Variants in CCSER2 observed in about 807,000 individuals in gnomAD.
CCSER2 encodes serine-rich coiled-coil domain-containing protein 2.
CCSER2 carries 46 observed loss-of-function variants against 92.3 expected under a neutral mutation model. The observed-to-expected ratio is 0.50, with a 90% CI of 0.39 to 0.64. The LOEUF is 0.64. CCSER2 is among the 30% of genes least tolerant of loss of function. CCSER2 has a pLI of 0.00. For missense variants in CCSER2, 1,244 were observed against 1,238.9 expected (o/e 1.00, Z -0.06); for synonymous variants, 433 against 431.4 (o/e 1.00, Z -0.04).
chr10:84,422,885 C>T (rs1843220984), intron 4 of CCSER2, among the ~76,000 whole-genome samples: 2 of 152,092 alleles, frequency 1.3e-5, no homozygotes, highest in Non-Finnish European at 2.9e-5. Flanking sequence ...GAAACCCCTT[C>T]TCTACTAAAA....
intron 7 of CCSER2, among the ~76,000 whole-genome samples, chr10:84,466,591 A>G (rs1000969187): frequency 4.8e-5 from 7 of 144,760 alleles, no homozygotes; most frequent in Middle Eastern, 3.4e-3. Context: ...TGCAAGCTCC[A>G]CTTCCTGGGT....
chr10:84,348,454 G>A (rs1844668309), intron 1 of CCSER2, among the ~76,000 whole-genome samples: 1 of 143,928 alleles, frequency 6.9e-6, no homozygotes, highest in Non-Finnish European at 1.6e-5. Context: ...AAGAGAGGGA[G>A]AGGGAGACCA....
intron 6 of CCSER2, among the ~76,000 whole-genome samples, chr10:84,452,057 A>G (rs1845326857): frequency 1.3e-5 from 2 of 152,364 alleles, no homozygotes; most frequent in South Asian, 4.1e-4. Context: ...ACTTACAAAA[A>G]GAAAAGAAAG....
intron 5 of CCSER2, among the ~76,000 whole-genome samples, chr10:84,428,036 A>T (rs965862566): frequency 6.6e-6 from 1 of 152,188 alleles, no homozygotes; most frequent in East Asian, 1.9e-4. Flanking sequence ...GGAGCTTACA[A>T]AAGGCTTGGC....
chr10:84,371,677 A>G lies in CCSER2; in HGVS notation c.625A>G (p.Ser209Gly), dbSNP rs1846068968. The G allele has an allele frequency of 1.2e-6, 2 of 1,613,858 alleles. No homozygotes were observed. Among genetic ancestry groups the G allele is most frequent in the Non-Finnish European group, 1.7e-6 (2 of 1,179,894 alleles). Reference protein sequence around the residue: ...SGESLAQSPDSSKSINCEKMV... With the variant: ...SGESLAQSPDGSKSINCEKMV... ...AGAAAGCTTAGCTCAATCCCCAGAC[A>G]GTAGTAAATCTATTAATTGTGAAAA... is the stretch of plus-strand genomic sequence containing the variant. The change falls in exon 2 of 10, where the codon AGT (serine) becomes GGT (glycine). Residue 209 changes from serine (S) to glycine (G), a missense_variant. By Grantham distance (56) the Ser-to-Gly change is moderately conservative. Transcript: ENST00000372088.
intron 7 of CCSER2, among the ~76,000 whole-genome samples, chr10:84,466,912 T>C (rs1846479923): frequency 6.6e-6 from 1 of 152,298 alleles, no homozygotes; most frequent in South Asian, 2.1e-4. Flanking sequence ...GATCAGCTCT[T>C]CTGTGTTCTT....
At chr10:84,508,426 AT>A (rs1762238131) in intron 9 of CCSER2, among the ~76,000 whole-genome samples, 6 of 152,220 alleles carry the variant, frequency 3.9e-5, no homozygotes, top group Admixed American at 3.9e-4. Context: ...CATTTTGTAA[AT>A]TATGAAATTC....
At chr10:84,395,024 G>A (rs1028158883) in intron 3 of CCSER2, among the ~76,000 whole-genome samples, 1 of 151,960 alleles carries the variant, frequency 6.6e-6, no homozygotes, top group Non-Finnish European at 1.5e-5. Context: ...AGGAATTTGA[G>A]ACCAGACTGA....
chr10:84,438,776 T>TA (rs1844344713), intron 6 of CCSER2, 69 bp downstream of exon 6: 4 of 955,654 alleles, frequency 4.2e-6, no homozygotes, highest in Admixed American at 2.5e-5. Context: ...TTAGTTTTTT[T>TA]TAAAAAAATA....
chr10:84,410,810 A>G (rs78422053), intron 3 of CCSER2, among the ~76,000 whole-genome samples: 1 of 152,294 alleles, frequency 6.6e-6, no homozygotes, highest in African/African-American at 2.4e-5. Flanking sequence ...TGCTTTTGGC[A>G]TTCTCATCAT....
intron 9 of CCSER2, among the ~76,000 whole-genome samples, chr10:84,507,712 G>A (rs906873835): frequency 1.2e-4 from 19 of 152,138 alleles, no homozygotes; most frequent in East Asian, 5.8e-4. Flanking sequence ...GTGCTTTTCC[G>A]TATGCTAATG....
At chr10:84,394,228 T>C (rs992289339) in intron 3 of CCSER2, among the ~76,000 whole-genome samples, 2 of 152,224 alleles carry the variant, frequency 1.3e-5, no homozygotes, top group African/African-American at 4.8e-5. Context: ...CCAGGCATAC[T>C]CTTAATTTCT....
At chr10:84,342,743 C>T (rs1460996396) in intron 1 of CCSER2, among the ~76,000 whole-genome samples, 1 of 152,026 alleles carries the variant, frequency 6.6e-6, no homozygotes, top group East Asian at 1.9e-4. Flanking sequence ...TTTACTTTTG[C>T]TTCCTCTGTT....
Position 84,514,180 on chromosome 10 carries a change from C to G in CCSER2, c.3057C>G (p.Ile1019Met). ...GGCCACTAACACAACGAAAAGAAATCATGCAGAATCCAAATGGCAATTTGC... is the reference window on the plus strand; with the variant it reads ...GGCCACTAACACAACGAAAAGAAATGATGCAGAATCCAAATGGCAATTTGC... ...IPRPLTQRKEIMQNPNGNLHS... is the reference protein window; with the variant it reads ...IPRPLTQRKEMMQNPNGNLHS... Residue 1019 changes from isoleucine to methionine, a missense_variant, in exon 10 of 10, where the codon ATC becomes ATG. Coordinates refer to ENST00000372088, the MANE Select transcript of CCSER2 (RefSeq NM_001284240.2). 6.5e-7 allele frequency: 1 copy of G among 1,536,408 alleles called. No homozygotes were observed. Among genetic ancestry groups the G allele is most frequent in the Non-Finnish European group, 8.7e-7 (1 of 1,146,960 alleles).
At chr10:84,391,323 G>T in intron 3 of CCSER2, 3 of 1,444,408 alleles carry the variant, frequency 2.1e-6, no homozygotes, top group Non-Finnish European at 2.9e-6. Context: ...TTACTGAGTG[G>T]CCTGGCTGAA....
rs1455407330 is a variant in CCSER2, at chr10:84,514,081, C to T, written c.2958C>T (p.Gly986=). The change falls in exon 10 of 10, where the codon GGC becomes GGT. Residue 986 remains glycine (G), a synonymous_variant. Transcript: ENST00000372088. ...CATCTAAGCTCCGCCCCCCCTCAGGCTCTTTCAAACAAAAACAAACAAACA... is the reference window on the plus strand; with the variant it reads ...CATCTAAGCTCCGCCCCCCCTCAGGTTCTTTCAAACAAAAACAAACAAACA... ...LKASKLRPPS[G]SFKQKQTNSP... 7 of 1,536,204 alleles carry T rather than the reference C, an allele frequency of 4.6e-6. No individual in the cohort carries two copies. Among genetic ancestry groups the T allele is most frequent in the Middle Eastern group, 3.3e-4 (2 of 5,992 alleles).
At chr10:84,393,568 G>A (rs1244514314) in intron 3 of CCSER2, among the ~76,000 whole-genome samples, 1 of 152,160 alleles carries the variant, frequency 6.6e-6, no homozygotes, top group African/African-American at 2.4e-5. Flanking sequence ...GTGGCCCTCT[G>A]TGCCGTAGAT....
intron 1 of CCSER2, among the ~76,000 whole-genome samples, chr10:84,353,656 C>T (rs923371921): frequency 1.3e-5 from 2 of 152,160 alleles, no homozygotes; most frequent in African/African-American, 4.8e-5. Flanking sequence ...ATGGCTACCA[C>T]AGGCACAATG....
At chr10:84,409,870 AG>A (rs1388678588) in intron 3 of CCSER2, among the ~76,000 whole-genome samples, 3 of 152,144 alleles carry the variant, frequency 2.0e-5, no homozygotes, top group African/African-American at 7.2e-5. Context: ...CCAGGTATTA[AG>A]CCCAGCATCC....
Sources: allele counts gnomAD v4.1 joint callset (sites outside exome capture counted in the v4.1 genomes callset), GRCh38; gene constraint gnomAD v4.1.1; transcripts MANE v1.5; gene names NCBI Gene and HGNC (gene_info 2026-07-23, HGNC 2026-07-21).